Variants in NLGN1 observed in about 807,000 individuals in gnomAD.
NLGN1 encodes neuroligin-1.
In NLGN1, 12 loss-of-function variants were observed where a neutral mutation model predicts 65.5. The ratio of observed to expected loss-of-function variants is 0.18; its 90% CI spans 0.12 to 0.30. The LOEUF (loss-of-function observed/expected upper bound fraction) is 0.30, where lower values mean the gene tolerates loss of function less well. Among genes scored for constraint, NLGN1 ranks in the 10% least tolerant of loss-of-function variants. NLGN1 has a pLI of 1.00. For missense variants in NLGN1, 750 were observed against 1,007.1 expected (o/e 0.74, Z 3.46); for synonymous variants, 350 against 359.5 (o/e 0.97, Z 0.30).
chr3:173,638,381 A>T (rs1296059201), intron 3 of NLGN1, among the ~76,000 whole-genome samples: 1 of 102,414 alleles, frequency 9.8e-6, no homozygotes, highest in Non-Finnish European at 2.4e-5. Flanking sequence ...AAAAATCATT[A>T]TAAAATGAAA....
intron 4 of NLGN1, among the ~76,000 whole-genome samples, chr3:174,177,376 G>C (rs1031468185): frequency 6.6e-6 from 1 of 151,880 alleles, no homozygotes; most frequent in Non-Finnish European, 1.5e-5. Flanking sequence ...GATCAAAATT[G>C]TAATATTTAC....
chr3:174,188,580 G>A (rs893235348), intron 4 of NLGN1, among the ~76,000 whole-genome samples: 2 of 151,934 alleles, frequency 1.3e-5, no homozygotes, highest in Non-Finnish European at 2.9e-5. Flanking sequence ...GAAATAGCAA[G>A]ACCAGGATTG....
intron 4 of NLGN1, among the ~76,000 whole-genome samples, chr3:173,876,652 A>G (rs1010222519): frequency 5.9e-5 from 9 of 152,156 alleles, no homozygotes; most frequent in Non-Finnish European, 1.2e-4. Flanking sequence ...AAAATGTGCT[A>G]AAAGAGAAAA....
intron 2 of NLGN1, among the ~76,000 whole-genome samples, chr3:173,447,092 A>G (rs13062188): frequency 0.79 from 119,389 of 152,030 alleles, 48,184 homozygotes; most frequent in East Asian, 0.97. Context: ...GTCAATTTTG[A>G]CTTTTGTTGC....
intron 2 of NLGN1, among the ~76,000 whole-genome samples, chr3:173,556,991 C>T (rs1741815385): frequency 6.6e-6 from 1 of 151,198 alleles, no homozygotes; most frequent in Non-Finnish European, 1.5e-5. Flanking sequence ...TATAAATATC[C>T]ATTAGGTTGA....
intron 4 of NLGN1, among the ~76,000 whole-genome samples, chr3:173,839,721 G>A (rs961468101): frequency 6.6e-6 from 1 of 152,122 alleles, no homozygotes; most frequent in Non-Finnish European, 1.5e-5. Flanking sequence ...GCGCCCAGCC[G>A]AGAAGTTTTT....
At chr3:173,632,182 G>A (rs1755791609) in intron 3 of NLGN1, among the ~76,000 whole-genome samples, 1 of 152,128 alleles carries the variant, frequency 6.6e-6, no homozygotes, top group African/African-American at 2.4e-5. Context: ...AGGAAAAAAA[G>A]GAACATATTC....
chr3:174,005,411 G>T (rs1333281011), intron 4 of NLGN1, among the ~76,000 whole-genome samples: 1 of 152,170 alleles, frequency 6.6e-6, no homozygotes, highest in Non-Finnish European at 1.5e-5. Context: ...TGCCTGGCAT[G>T]TAGTAGGTGT....
In NLGN1 at chr3:173,406,623, A is replaced by T. The variant is rs1471120382; in HGVS notation, c.-390+8136A>T. ...ATATAAATCAAAGGAAGAGAAGCCTATAGTTGGACCAGTCAGATGCTACTA... is the reference window on the plus strand; with the variant it reads ...ATATAAATCAAAGGAAGAGAAGCCTTTAGTTGGACCAGTCAGATGCTACTA... On this transcript the variant is annotated intron_variant, in intron 1 of 6. Coordinates refer to ENST00000457714, the Ensembl canonical transcript of NLGN1. Among the ~76,000 whole-genome samples the T allele has an allele frequency of 2.6e-5, 4 of 151,134 alleles. No individual in the cohort carries two copies. In the East Asian group the frequency reaches 7.7e-4, roughly 29 times the overall value.
At chr3:173,875,674 A>C (rs1288363345) in intron 4 of NLGN1, among the ~76,000 whole-genome samples, 5 of 152,186 alleles carry the variant, frequency 3.3e-5, no homozygotes. Context: ...ATTAATAAAA[A>C]CAGAATCCTC....
At chr3:173,941,269 A>T (rs992607645) in intron 4 of NLGN1, among the ~76,000 whole-genome samples, 1 of 152,078 alleles carries the variant, frequency 6.6e-6, no homozygotes, top group South Asian at 2.1e-4. Context: ...GCTTATAAAA[A>T]TTGAATGGCA....
intron 4 of NLGN1, among the ~76,000 whole-genome samples, chr3:174,157,120 G>A (rs1725582799): frequency 6.6e-6 from 1 of 151,508 alleles, no homozygotes; most frequent in Non-Finnish European, 1.5e-5. Flanking sequence ...GTGAGTGGTG[G>A]ACCTGAGGAT....
chr3:173,857,636 G>T (rs375417371), intron 4 of NLGN1, among the ~76,000 whole-genome samples: 44 of 152,050 alleles, frequency 2.9e-4, no homozygotes, highest in African/African-American at 1.0e-3. Flanking sequence ...CGAAAAGAGG[G>T]CTAGAAGAAG....
At position 173,845,816 on chromosome 3, in the gene NLGN1, T is replaced by A. The variant is rs536779635; in HGVS notation, c.646+37984T>A. Among the ~76,000 whole-genome samples, 8 of 152,320 alleles carry A rather than the reference T, an allele frequency of 5.3e-5. No individual in the cohort carries two copies. In the South Asian group the frequency reaches 1.4e-3, roughly 28 times the overall value. On this transcript the variant is annotated intron_variant, in intron 4 of 6. Coordinates refer to ENST00000457714, the Ensembl canonical transcript of NLGN1. ...ATTCCCTTTATCTTGACTCTTAGAT[T>A]TTTTTCAATAATACTTAGTTCTTAG... is the stretch of plus-strand genomic sequence containing the variant.
intron 3 of NLGN1, among the ~76,000 whole-genome samples, chr3:173,782,910 T>C (rs1781394566): frequency 6.6e-6 from 1 of 151,934 alleles, no homozygotes; most frequent in Non-Finnish European, 1.5e-5. Context: ...CTAATACATG[T>C]ACTAATACAA....
At chr3:174,164,341 A>G (rs1727124453) in intron 4 of NLGN1, among the ~76,000 whole-genome samples, 2 of 151,974 alleles carry the variant, frequency 1.3e-5, no homozygotes, top group Non-Finnish European at 2.9e-5. Context: ...CCTTTGTCAG[A>G]TGCATAGTTT....
intron 1 of NLGN1, among the ~76,000 whole-genome samples, chr3:173,418,612 AT>A (rs1398229007): frequency 9.2e-5 from 14 of 152,206 alleles, no homozygotes; most frequent in Non-Finnish European, 2.1e-4. Flanking sequence ...CTATAAAAAT[AT>A]GTATTTGCCA....
At chr3:173,826,467 T>C (rs1018219686) in intron 4 of NLGN1, among the ~76,000 whole-genome samples, 1 of 152,082 alleles carries the variant, frequency 6.6e-6, no homozygotes, top group Non-Finnish European at 1.5e-5. Context: ...GTCATGAGCG[T>C]TACTGCCTCA....
At chr3:173,573,314 A>G (rs1200812392) in intron 2 of NLGN1, among the ~76,000 whole-genome samples, 1 of 152,132 alleles carries the variant, frequency 6.6e-6, no homozygotes, top group Non-Finnish European at 1.5e-5. Flanking sequence ...AGAACTGAGT[A>G]CAATATTGGT....
Sources: gnomAD v4.1 joint callset for allele counts (sites outside exome capture counted in the v4.1 genomes callset) on GRCh38, gnomAD v4.1.1 for gene constraint, MANE v1.5 for transcripts, NCBI Gene and HGNC (gene_info 2026-07-23, HGNC 2026-07-21) for gene names.